The following NAALADL2 variants were observed in gnomAD, a reference collection of about 807,000 sequenced individuals.
NAALADL2 encodes N-acetylated alpha-linked acidic dipeptidase like 2, also known as inactive N-acetylated-alpha-linked acidic dipeptidase-like protein 2.
Under a neutral mutation model 87.2 loss-of-function variants are expected in NAALADL2, and 76 were observed. That is an observed-to-expected ratio of 0.87 (90% CI 0.72 to 1.05). NAALADL2 has a LOEUF of 1.05. NAALADL2 is among the 50% of genes least tolerant of loss of function. The pLI is 0.00. For synonymous variants in NAALADL2, 354 were observed against 331.0 expected (o/e 1.07, Z -0.75); for missense variants, 1,089 against 945.8 (o/e 1.15, Z -1.99).
At chr3:175,575,577 G>A (rs1362351123) in intron 9 of NAALADL2, among the ~76,000 whole-genome samples, 2 of 151,992 alleles carry the variant, frequency 1.3e-5, no homozygotes, top group African/African-American at 2.4e-5. Context: ...GAGCCACCAC[G>A]CCCGGCCTCT....
chr3:174,695,155 C>A (rs1728906756), intron 2 of NAALADL2, among the ~76,000 whole-genome samples: 1 of 151,970 alleles, frequency 6.6e-6, no homozygotes, highest in South Asian at 2.1e-4. Context: ...ATTCAATAAA[C>A]ATTAACTGAC....
intron 2 of NAALADL2, among the ~76,000 whole-genome samples, chr3:174,568,048 G>A (rs765580927): frequency 1.3e-5 from 2 of 151,628 alleles, no homozygotes; most frequent in South Asian, 4.1e-4. Context: ...TTATGATGTA[G>A]GTAGTGTCTA....
intron 9 of NAALADL2, among the ~76,000 whole-genome samples, chr3:175,545,858 C>A (rs1331397600): frequency 1.3e-5 from 2 of 152,074 alleles, no homozygotes; most frequent in African/African-American, 4.8e-5. Context: ...CATTTCCATT[C>A]CATATCACCA....
intron 5 of NAALADL2, among the ~76,000 whole-genome samples, chr3:175,341,585 T>C (rs1762573708): frequency 3.3e-5 from 5 of 152,176 alleles, no homozygotes; most frequent in Non-Finnish European, 1.5e-5. Flanking sequence ...ACTGACAAAC[T>C]GTTTTCTATA....
At chr3:174,971,022 T>G (rs972020866) in intron 1 of NAALADL2, among the ~76,000 whole-genome samples, 1 of 151,786 alleles carries the variant, frequency 6.6e-6, no homozygotes, top group Non-Finnish European at 1.5e-5. Context: ...TGGTGGGAGG[T>G]GAAAGGCATT....
At chr3:175,501,212 TA>T (rs771152192) in intron 9 of NAALADL2, among the ~76,000 whole-genome samples, 2 of 152,114 alleles carry the variant, frequency 1.3e-5, no homozygotes, top group Non-Finnish European at 1.5e-5. Context: ...CAAACTTGCT[TA>T]AACAAAAATG....
intron 2 of NAALADL2, among the ~76,000 whole-genome samples, chr3:174,564,626 TA>T (rs1368742547): frequency 6.6e-6 from 1 of 152,298 alleles, no homozygotes; most frequent in Admixed American, 6.5e-5. Context: ...TTTGATTTAT[TA>T]ATTTTTCTAT....
chr3:175,690,589 A>G (rs1386002002), intron 11 of NAALADL2, among the ~76,000 whole-genome samples: 1 of 152,032 alleles, frequency 6.6e-6, no homozygotes, highest in African/African-American at 2.4e-5. Context: ...AAGGGTCATG[A>G]ACAATTAGAT....
intron 4 of NAALADL2, among the ~76,000 whole-genome samples, chr3:175,287,917 TG>T (rs989731725): frequency 8.5e-5 from 13 of 152,192 alleles, no homozygotes; most frequent in African/African-American, 2.9e-4. Context: ...TCCCCAAAAA[TG>T]CTACCGATAT....
chr3:175,805,901 A>G lies in NAALADL2; in HGVS notation c.*2698A>G, dbSNP rs1754664277. On this transcript the variant is annotated 3_prime_UTR_variant, in exon 14 of 14. Coordinates refer to ENST00000454872, the MANE Select transcript of NAALADL2 (RefSeq NM_207015.3). ...AATAAAGATTCTGGTCTAAGCCCTG[A>G]GATCTTGCCTTCAGCCAGAGAAGGC... The G allele has an allele frequency of 1.3e-5, 2 of 151,944 alleles. No homozygotes were observed. The highest frequency in any genetic ancestry group is 1.3e-4 in the Admixed American group (2 of 15,202). The allele number at this position is 151,944 out of a possible 1,614,324, so 9.4% of individuals were successfully genotyped here.
At chr3:174,867,734 A>G (rs192837909) in intron 1 of NAALADL2, among the ~76,000 whole-genome samples, 58 of 152,234 alleles carry the variant, frequency 3.8e-4, no homozygotes, top group Non-Finnish European at 4.4e-5. Context: ...ATAAAACAAG[A>G]AGCTTTAAAT....
At chr3:174,662,557 C>T (rs979328004) in intron 2 of NAALADL2, among the ~76,000 whole-genome samples, 1 of 152,062 alleles carries the variant, frequency 6.6e-6, no homozygotes, top group Admixed American at 6.6e-5. Context: ...AGGAAATAAG[C>T]AAGGCAAGAT....
At chr3:175,444,606 C>G (rs1720386713) in intron 5 of NAALADL2, among the ~76,000 whole-genome samples, 1 of 152,190 alleles carries the variant, frequency 6.6e-6, no homozygotes, top group African/African-American at 2.4e-5. Context: ...TGATTTAATG[C>G]TCTCCTATTG....
chr3:175,097,137 A>T lies in NAALADL2; in HGVS notation c.391A>T (p.Thr131Ser), dbSNP rs1033514515. 1 of 1,613,716 alleles carries T rather than the reference A, an allele frequency of 6.2e-7. No homozygotes were observed. Among genetic ancestry groups the T allele is most frequent in the African/African-American group, 1.3e-5 (1 of 74,938 alleles). The change falls in exon 2 of 14, where the codon ACA becomes TCA. Residue 131 changes from threonine (T) to serine (S), a missense_variant. Thr to Ser is a moderately conservative substitution (Grantham distance 58). Transcript: ENST00000454872. ...NFCHVLKILC[T>S]ATILFIFGIL... is the part of the protein sequence containing the mutation. ...TTGCCACGTCTTAAAAATACTTTGC[A>T]CAGCCACCATTTTATTTATTTTTGG...
chr3:175,748,007 GC>G (rs1244878659), intron 12 of NAALADL2, among the ~76,000 whole-genome samples: 1 of 150,912 alleles, frequency 6.6e-6, no homozygotes, highest in Non-Finnish European at 1.5e-5. Flanking sequence ...GAAATCTGTT[GC>G]TTTTTTTTTT....
intron 1 of NAALADL2, among the ~76,000 whole-genome samples, chr3:174,925,322 A>T (rs1008283196): frequency 5.9e-5 from 9 of 152,240 alleles, no homozygotes; most frequent in East Asian, 1.9e-4. Context: ...ATTTATTAAA[A>T]AGGGAATCCT....
intron 2 of NAALADL2, among the ~76,000 whole-genome samples, chr3:175,156,570 A>G (rs539015451): frequency 6.9e-6 from 1 of 144,888 alleles, no homozygotes; most frequent in African/African-American, 2.7e-5. Flanking sequence ...TGTATCCTAT[A>G]TTTTTGTTAT....
At chr3:175,467,205 A>G (rs753247037) in intron 8 of NAALADL2, 21 bp downstream of exon 8, 2 of 1,583,532 alleles carry the variant, frequency 1.3e-6, no homozygotes, top group Middle Eastern at 1.7e-4. Flanking sequence ...ATATACATTA[A>G]TTACAGTGCT....
chr3:175,510,556 T>A (rs1731017808), intron 9 of NAALADL2, among the ~76,000 whole-genome samples: 1 of 152,162 alleles, frequency 6.6e-6, no homozygotes, highest in Non-Finnish European at 1.5e-5. Flanking sequence ...TTTAAAAAAA[T>A]AACTGGTATT....
Sources: allele counts gnomAD v4.1 joint callset (sites outside exome capture counted in the v4.1 genomes callset), GRCh38; gene constraint gnomAD v4.1.1; transcripts MANE v1.5; gene names NCBI Gene and HGNC (gene_info 2026-07-23, HGNC 2026-07-21).